The following GRIN2B variants were observed in gnomAD, a reference collection of about 807,000 sequenced individuals.
The protein encoded by GRIN2B is glutamate receptor ionotropic, NMDA 2B.
Under a neutral mutation model 114.5 loss-of-function variants are expected in GRIN2B, and 5 were observed. That is an observed-to-expected ratio of 0.04 (90% CI 0.02 to 0.09). The LOEUF (loss-of-function observed/expected upper bound fraction) is 0.09, where lower values mean the gene tolerates loss of function less well. GRIN2B is among the 10% of genes least tolerant of loss of function. The probability of loss-of-function intolerance (pLI) is 1.00; values close to 1 mark genes in which losing one functional copy is unlikely to be tolerated. For missense variants in GRIN2B, 1,108 were observed against 1,943.5 expected, an observed-to-expected ratio of 0.57 and a Z score of 8.08; for synonymous variants, 787 against 745.1, an observed-to-expected ratio of 1.06 and a Z score of -0.92.
intron 4 of GRIN2B, among the ~76,000 whole-genome samples, chr12:13,698,120 G>A (rs559304659): frequency 6.6e-6 from 1 of 152,336 alleles, no homozygotes; most frequent in Non-Finnish European, 1.5e-5. Context: ...TTATCAGGCC[G>A]TGCTCCAAGG....
intron 3 of GRIN2B, among the ~76,000 whole-genome samples, chr12:13,765,661 G>A (rs1406593685): frequency 6.6e-6 from 1 of 152,194 alleles, no homozygotes; most frequent in Admixed American, 6.5e-5. Flanking sequence ...TATTCATTGA[G>A]TGCTTATAGC....
chr12:13,795,329 T>C (rs1441848758), intron 3 of GRIN2B, among the ~76,000 whole-genome samples: 1 of 151,660 alleles, frequency 6.6e-6, no homozygotes, highest in Non-Finnish European at 1.5e-5. Flanking sequence ...TATTAAAACA[T>C]GGCTGAGATC....
intron 3 of GRIN2B, among the ~76,000 whole-genome samples, chr12:13,766,142 C>T (rs1036600654): frequency 6.6e-6 from 1 of 152,108 alleles, no homozygotes; most frequent in Non-Finnish European, 1.5e-5. Context: ...TTATTGTTTG[C>T]TAATCAATCA....
chr12:13,539,447 A>G lies in GRIN2B; in HGVS notation c.*23336T>C, dbSNP rs1018521868. The G allele has an allele frequency of 1.3e-5, 2 of 152,248 alleles. No homozygotes were observed. The highest frequency in any genetic ancestry group is 2.9e-5 in the Non-Finnish European group (2 of 68,046). 9.4% of individuals were successfully genotyped at this position (152,248 alleles called of 1,614,324 possible). A position where few individuals can be genotyped will look rare whatever the true frequency, so the allele number is the denominator to read the frequency against. On this transcript the variant is annotated 3_prime_UTR_variant, in exon 14 of 14. Transcript: ENST00000609686. ...TTACCAAGATAGCTAAGGGGGAGAT[A>G]CTATTATTTAACTTGGATAATTTAG...
intron 3 of GRIN2B, among the ~76,000 whole-genome samples, chr12:13,801,661 G>A (rs145878742): frequency 6.6e-6 from 1 of 152,152 alleles, no homozygotes; most frequent in African/African-American, 2.4e-5. Context: ...GAGGAAATCA[G>A]ACATAACGAT....
rs979145399 is a variant in GRIN2B at position 13,545,525 on chromosome 12, G to A, written c.*17258C>T. The A allele has an allele frequency of 6.6e-6, 1 of 152,016 alleles. No individual in the cohort carries two copies. The highest frequency in any genetic ancestry group is 2.4e-5 in the African/African-American group (1 of 41,386). 9.4% of individuals were successfully genotyped at this position (152,016 alleles called of 1,614,324 possible). On this transcript the variant is annotated 3_prime_UTR_variant, in exon 14 of 14. Transcript: ENST00000609686. ...CAGACCAAATATCCCCAAAATAAGA[G>A]CTCCAGTAAACAAAACAATGCAAGC... is the stretch of plus-strand genomic sequence containing the variant.
chr12:13,919,929 A>C (rs1260657967), intron 2 of GRIN2B, among the ~76,000 whole-genome samples: 1 of 152,180 alleles, frequency 6.6e-6, no homozygotes, highest in Non-Finnish European at 1.5e-5. Flanking sequence ...CCTTTACCAC[A>C]GGAGGAAGAT....
At chr12:13,722,646 C>T (rs2110984) in intron 4 of GRIN2B, among the ~76,000 whole-genome samples, 122,934 of 152,008 alleles carry the variant, frequency 0.81, 50,076 homozygotes, top group African/African-American at 0.9. Context: ...ATGTAATAGG[C>T]TCAGAGTGAC....
At position 13,963,598 on chromosome 12, in the gene GRIN2B, G is replaced by A. The variant is rs117163005; in HGVS notation, c.-19+16330C>T. 5.8e-4 allele frequency among the ~76,000 whole-genome samples: 88 copies of A among 152,228 alleles called. No individual in the cohort carries two copies. The East Asian group carries it at 6.8e-3, about 12-fold the overall frequency. ...CTCATCTAACCTTCACATAACCTGC[G>A]TTTTACAGCAGAGGAAAAGCTGGCA... On this transcript the variant is annotated intron_variant, in intron 2 of 13. Coordinates refer to ENST00000609686, the MANE Select transcript of GRIN2B (RefSeq NM_000834.5).
intron 2 of GRIN2B, among the ~76,000 whole-genome samples, chr12:13,939,945 C>G (rs973691819): frequency 2.6e-5 from 4 of 152,050 alleles, no homozygotes; most frequent in African/African-American, 9.7e-5. Flanking sequence ...TGTGCCTGTG[C>G]ATTAGGTACG....
chr12:13,881,663 T>C (rs1427270962), intron 2 of GRIN2B, among the ~76,000 whole-genome samples: 2 of 152,242 alleles, frequency 1.3e-5, no homozygotes, highest in African/African-American at 4.8e-5. Flanking sequence ...TGCTATTTTC[T>C]CTACTTTAGC....
intron 3 of GRIN2B, among the ~76,000 whole-genome samples, chr12:13,813,718 C>A (rs1864772819): frequency 6.6e-6 from 1 of 152,182 alleles, no homozygotes; most frequent in East Asian, 1.9e-4. Flanking sequence ...AATGCTAATT[C>A]ATTCAATATG....
At chr12:13,750,009 G>A (rs1591710546) in intron 4 of GRIN2B, among the ~76,000 whole-genome samples, 1 of 152,188 alleles carries the variant, frequency 6.6e-6, no homozygotes, top group Non-Finnish European at 1.5e-5. Flanking sequence ...GCAGGCAGGT[G>A]CAGAACCCAA....
chr12:13,844,348 T>C (rs559526154), intron 3 of GRIN2B, among the ~76,000 whole-genome samples: 25 of 152,318 alleles, frequency 1.6e-4, no homozygotes, highest in Non-Finnish European at 2.8e-4. Context: ...CTGCCCAACC[T>C]TTCCAATCAA....
At position 13,611,711 on chromosome 12, in the gene GRIN2B, C is replaced by A. The variant is rs1312077614; in HGVS notation, c.1780+14G>T. ...AAAAAACTGGGGAAGTGCAGCGGTT[C>A]CAGCCGGCCTTACCTCTGCCATCAG... is the stretch of plus-strand genomic sequence containing the variant. On this transcript the variant is annotated intron_variant, in intron 9 of 13. Coordinates refer to ENST00000609686, the MANE Select transcript of GRIN2B (RefSeq NM_000834.5). 2 of 1,613,308 alleles carry A rather than the reference C, an allele frequency of 1.2e-6. No homozygotes were observed. The highest frequency in any genetic ancestry group is 2.7e-5 in the African/African-American group (2 of 74,888).
intron 3 of GRIN2B, among the ~76,000 whole-genome samples, chr12:13,782,060 A>G (rs536616700): frequency 2.4e-4 from 37 of 152,312 alleles, no homozygotes; most frequent in Non-Finnish European, 3.2e-4. Flanking sequence ...GTGTCTGTAG[A>G]TCAATTATGT....
chr12:13,869,486 C>T (rs552152884), intron 2 of GRIN2B, among the ~76,000 whole-genome samples: 2 of 151,970 alleles, frequency 1.3e-5, no homozygotes, highest in South Asian at 4.2e-4. Flanking sequence ...CCATTTTTGA[C>T]CTGCTAGTCA....
At chr12:13,974,760 C>T (rs188283882) in intron 2 of GRIN2B, among the ~76,000 whole-genome samples, 1 of 151,920 alleles carries the variant, frequency 6.6e-6, no homozygotes, top group African/African-American at 2.4e-5. Context: ...TGCTCCACAC[C>T]ACTAGATCCT....
intron 5 of GRIN2B, among the ~76,000 whole-genome samples, chr12:13,672,626 T>A (rs1016441674): frequency 6.6e-6 from 1 of 152,136 alleles, no homozygotes; most frequent in African/African-American, 2.4e-5. Flanking sequence ...AGCCTTCAAG[T>A]TGGGGAGCTA....
Sources: gnomAD v4.1 joint callset for allele counts (sites outside exome capture counted in the v4.1 genomes callset) on GRCh38, gnomAD v4.1.1 for gene constraint, MANE v1.5 for transcripts, NCBI Gene and HGNC (gene_info 2026-07-23, HGNC 2026-07-21) for gene names.